Variants in VRK2 observed in about 807,000 individuals in gnomAD.
VRK2 encodes VRK serine/threonine kinase 2.
VRK2 carries 60 observed loss-of-function variants against 57.6 expected under a neutral mutation model. That is an observed-to-expected ratio of 1.04 (90% CI 0.85 to 1.29). The LOEUF is 1.29. Ranked by LOEUF, VRK2 falls within the 50% of genes most tolerant of loss-of-function variation. The pLI is 0.00. For synonymous variants in VRK2, 231 were observed against 199.2 expected (o/e 1.16, Z -1.35); for missense variants, 705 against 588.1 (o/e 1.20, Z -2.06).
intron 1 of VRK2, among the ~76,000 whole-genome samples, chr2:57,921,278 T>G (rs975843298): frequency 2.3e-5 from 3 of 131,270 alleles, no homozygotes; most frequent in African/African-American, 9.9e-5. Context: ...CAGGTAATTC[T>G]TAAGCGCGCA....
At chr2:57,912,242 G>C (rs950728217) in intron 1 of VRK2, among the ~76,000 whole-genome samples, 2 of 152,176 alleles carry the variant, frequency 1.3e-5, no homozygotes, top group Non-Finnish European at 2.9e-5. Flanking sequence ...TTTTGGTATA[G>C]ATCTACAAGT....
intron 6 of VRK2, among the ~76,000 whole-genome samples, chr2:58,088,814 AG>A (rs1208986979): frequency 1.3e-5 from 2 of 152,222 alleles, no homozygotes; most frequent in African/African-American, 4.8e-5. Context: ...ATGTGATGGT[AG>A]GGGGGTGCTA....
At chr2:57,948,680 C>G (rs765856259) in intron 1 of VRK2, among the ~76,000 whole-genome samples, 7 of 152,056 alleles carry the variant, frequency 4.6e-5, no homozygotes, top group Non-Finnish European at 1.0e-4. Context: ...TGGATACCAT[C>G]TGTGTACTGG....
chr2:57,909,418 A>C (rs1234642432), intron 1 of VRK2, among the ~76,000 whole-genome samples: 1 of 152,108 alleles, frequency 6.6e-6, no homozygotes, highest in Non-Finnish European at 1.5e-5. Flanking sequence ...GATGATTTAC[A>C]CTTGTAAAGA....
rs1283651409 is a variant in VRK2, at chr2:58,084,181, T to A, written c.186+43T>A. The A allele has an allele frequency of 3.9e-6, 6 of 1,550,512 alleles. No homozygotes were observed. In the East Asian group the frequency reaches 1.2e-4, roughly 30 times the overall value. On this transcript the variant is annotated intron_variant, in intron 3 of 12. Coordinates refer to ENST00000340157, the MANE Select transcript of VRK2 (RefSeq NM_006296.7). ...ATTTGTATTTCACATATATTTGACT[T>A]TTTCCTTTTCTGCTTTAAGAATGTT...
At chr2:57,940,426 C>G (rs1446133941) in intron 1 of VRK2, among the ~76,000 whole-genome samples, 1 of 152,152 alleles carries the variant, frequency 6.6e-6, no homozygotes, top group African/African-American at 2.4e-5. Flanking sequence ...GGACAATCTG[C>G]TTTACTGAGT....
chr2:57,958,682 C>G (rs1671663285), intron 1 of VRK2, among the ~76,000 whole-genome samples: 1 of 152,034 alleles, frequency 6.6e-6, no homozygotes, highest in African/African-American at 2.4e-5. Flanking sequence ...TTAAGGGCTA[C>G]TTATTGATCC....
chr2:58,014,040 T>C (rs556085996), intron 1 of VRK2, among the ~76,000 whole-genome samples: 1 of 152,164 alleles, frequency 6.6e-6, no homozygotes, highest in African/African-American at 2.4e-5. Context: ...TAAATAATAA[T>C]GATATCACAA....
chr2:58,060,993 A>C (rs2103891265), intron 2 of VRK2, among the ~76,000 whole-genome samples: 1 of 152,058 alleles, frequency 6.6e-6, no homozygotes, highest in South Asian at 2.1e-4. Context: ...TAGGCTTGAA[A>C]GGAGTGTATG....
At chr2:58,080,935 C>G (rs1412328293) in intron 2 of VRK2, among the ~76,000 whole-genome samples, 2 of 151,890 alleles carry the variant, frequency 1.3e-5, no homozygotes, top group Non-Finnish European at 2.9e-5. Flanking sequence ...GTTACTTCCT[C>G]TTGTGTAATT....
chr2:58,024,937 T>C (rs1294280027), intron 1 of VRK2, among the ~76,000 whole-genome samples: 1 of 152,182 alleles, frequency 6.6e-6, no homozygotes, highest in Non-Finnish European at 1.5e-5. Flanking sequence ...AATGTAAATA[T>C]GGATGACAGA....
At chr2:58,121,728 ATACTC>A (rs1677541236) in intron 7 of VRK2, among the ~76,000 whole-genome samples, 1 of 152,220 alleles carries the variant, frequency 6.6e-6, no homozygotes, top group Admixed American at 6.5e-5. Flanking sequence ...TGTATGGTAA[ATACTC>A]TATTGTCTTG....
Position 58,056,617 on chromosome 2 carries a change from C to T in VRK2, c.136+7650C>T, listed in dbSNP as rs1676562302. 2.7e-5 allele frequency among the ~76,000 whole-genome samples: 4 copies of T among 146,808 alleles called. No homozygotes were observed. In the South Asian group the frequency reaches 8.7e-4, roughly 32 times the overall value. On this transcript the variant is annotated intron_variant, in intron 2 of 12. Transcript: ENST00000340157. ...AAGAGTAACTAGTGTGGCTACTCAC[C>T]CCACTTCCTCTCATCTTCCCATTCT... is the stretch of plus-strand genomic sequence containing the variant.
chr2:58,052,084 A>G lies in VRK2; in HGVS notation c.136+3117A>G, dbSNP rs566778080. Among the ~76,000 whole-genome samples the G allele has an allele frequency of 5.3e-5, 8 of 152,324 alleles. No homozygotes were observed. In the South Asian group the frequency reaches 1.4e-3, roughly 28 times the overall value. On this transcript the variant is annotated intron_variant, in intron 2 of 12. Transcript: ENST00000340157. ...ACAGAACCAAGTAAATTACGGGAGAATTGCATAAATAATAGCAGAGGTTTT... is the reference window on the plus strand; with the variant it reads ...ACAGAACCAAGTAAATTACGGGAGAGTTGCATAAATAATAGCAGAGGTTTT...
intron 4 of VRK2, among the ~76,000 whole-genome samples, chr2:58,085,562 T>G (rs1222755556): frequency 6.6e-6 from 1 of 151,894 alleles, no homozygotes; most frequent in African/African-American, 2.4e-5. Flanking sequence ...AGAAAAACAT[T>G]AAAGAAGTAG....
chr2:58,148,704 T>C (rs1209023831), intron 12 of VRK2, among the ~76,000 whole-genome samples: 1 of 151,760 alleles, frequency 6.6e-6, no homozygotes, highest in Non-Finnish European at 1.5e-5. Context: ...ATGTGTATTG[T>C]GTGAGGTGGA....
At chr2:58,080,329 T>C (rs1185493079) in intron 2 of VRK2, among the ~76,000 whole-genome samples, 1 of 151,930 alleles carries the variant, frequency 6.6e-6, no homozygotes, top group South Asian at 2.1e-4. Context: ...ATATTTTAGA[T>C]GGGTTTGAAA....
intron 12 of VRK2, among the ~76,000 whole-genome samples, chr2:58,158,108 T>G (rs17049381): frequency 0.036 from 5,526 of 152,302 alleles, 116 homozygotes; most frequent in East Asian, 0.096. Context: ...GCTTGACTTC[T>G]ATCCTTACCT....
intron 1 of VRK2, among the ~76,000 whole-genome samples, chr2:57,959,197 T>C (rs1419073783): frequency 1.3e-5 from 2 of 152,146 alleles, no homozygotes; most frequent in African/African-American, 4.8e-5. Flanking sequence ...ATACAATTAG[T>C]CCAGAAACTG....
Sources: allele counts gnomAD v4.1 joint callset (sites outside exome capture counted in the v4.1 genomes callset), GRCh38; gene constraint gnomAD v4.1.1; transcripts MANE v1.5; gene names NCBI Gene and HGNC (gene_info 2026-07-23, HGNC 2026-07-21).